RNF220: variants seen among roughly 807,000 people sequenced by gnomAD.
RNF220 encodes E3 ubiquitin-protein ligase RNF220.
RNF220 carries 7 observed loss-of-function variants against 67.1 expected under a neutral mutation model. That is an observed-to-expected ratio of 0.10 (90% CI 0.06 to 0.20). The LOEUF is 0.20. Ranked by LOEUF, RNF220 falls within the 10% of genes least tolerant of loss-of-function variation. The pLI is 1.00. For missense variants in RNF220, 565 were observed against 740.3 expected (o/e 0.76, Z 2.75); for synonymous variants, 270 against 283.2 (o/e 0.95, Z 0.47).
At chr1:44,570,816 G>C (rs947617999) in intron 2 of RNF220, among the ~76,000 whole-genome samples, 1 of 152,198 alleles carries the variant, frequency 6.6e-6, no homozygotes. Flanking sequence ...TCTCACACCT[G>C]TAATCCCAGC....
intron 2 of RNF220, among the ~76,000 whole-genome samples, chr1:44,537,694 A>G (rs749332874): frequency 6.6e-6 from 1 of 152,136 alleles, no homozygotes. Context: ...TCCCCAACCA[A>G]TGATCACAAG....
At chr1:44,626,551 A>C (rs1643945213) in intron 5 of RNF220, 153 bp downstream of exon 5, 4 of 623,020 alleles carry the variant, frequency 6.4e-6, no homozygotes, top group African/African-American at 3.7e-5. Flanking sequence ...CCCTAAGTGA[A>C]CTCAGGAGGC....
At chr1:44,540,536 G>A (rs75480778) in intron 2 of RNF220, among the ~76,000 whole-genome samples, 2,725 of 152,170 alleles carry the variant, frequency 0.018, 60 homozygotes, top group East Asian at 0.098. Flanking sequence ...GTGTTGTTGC[G>A]TTCCCTCTCA....
chr1:44,530,747 T>C (rs12097702), intron 2 of RNF220, among the ~76,000 whole-genome samples: 58,497 of 151,828 alleles, frequency 0.39, 11,609 homozygotes, highest in Middle Eastern at 0.55. Context: ...GGGCAGATCA[T>C]GAGGTCAGGA....
intron 2 of RNF220, among the ~76,000 whole-genome samples, chr1:44,532,784 G>A (rs766922274): frequency 1.6e-4 from 25 of 152,200 alleles, no homozygotes; most frequent in Non-Finnish European, 3.5e-4. Context: ...AAAAACACCA[G>A]TCATCTATTT....
intron 2 of RNF220, among the ~76,000 whole-genome samples, chr1:44,413,273 ACAGCTGTGTTTTCCTTGCGATCGCAAGG>A (rs749970936): frequency 6.6e-6 from 1 of 152,090 alleles, no homozygotes; most frequent in Non-Finnish European, 1.5e-5. Flanking sequence ...AGCATTTCAC[ACAGCTGTGTTTTCCTTGCGATCGCAAGG>A]CTAGAAAGCC....
In RNF220 at chr1:44,645,157, A is replaced by G. The variant is rs1338731125; in HGVS notation, c.1311-64A>G. The G allele has an allele frequency of 5.6e-6, 9 of 1,610,724 alleles. No homozygotes were observed. The highest frequency in any genetic ancestry group is 3.3e-5 in the Admixed American group (2 of 60,000). ...TGAGGCAGGGGTTAACGCAGTACTG[A>G]CCCTCAGGGCTGTCCTGCCCGCCTT... On this transcript the variant is annotated intron_variant, in intron 10 of 14. Coordinates refer to ENST00000361799, the MANE Select transcript of RNF220 (RefSeq NM_018150.4). This position sits in a 1 kb window ranked among gnomAD's most constrained non-coding sequence, Gnocchi z 5.0.
intron 1 of RNF220, among the ~76,000 whole-genome samples, chr1:44,409,911 A>C (rs915280535): frequency 3.3e-5 from 5 of 151,534 alleles, no homozygotes; most frequent in African/African-American, 9.7e-5. Flanking sequence ...GAAAAAAAGC[A>C]CTCCCCCCTC....
At chr1:44,559,993 G>GGC (rs984196430) in intron 2 of RNF220, among the ~76,000 whole-genome samples, 14 of 152,326 alleles carry the variant, frequency 9.2e-5, no homozygotes, top group African/African-American at 3.1e-4. Flanking sequence ...GAGGAGCCAC[G>GGC]GCTCCTTCAG....
At chr1:44,642,466 G>C (rs1644515166) in intron 8 of RNF220, among the ~76,000 whole-genome samples, 1 of 152,216 alleles carries the variant, frequency 6.6e-6, no homozygotes, top group South Asian at 2.1e-4. Flanking sequence ...AGTCAGACTT[G>C]CCAAAGGAGC....
chr1:44,473,279 C>G lies in RNF220; in HGVS notation c.625+60557C>G, dbSNP rs192409525. Reference sequence around the variant, plus strand: ...ATAAAGTTTTACAGTGGAACGGTTTCTGTAAAAGCATCGTTAGGAAGTGGG... The same window carrying G: ...ATAAAGTTTTACAGTGGAACGGTTTGTGTAAAAGCATCGTTAGGAAGTGGG... On this transcript the variant is annotated intron_variant, in intron 2 of 14. Transcript: ENST00000361799. Among the ~76,000 whole-genome samples the G allele has an allele frequency of 8.6e-4, 131 of 152,242 alleles. 2 individuals carry two copies. Among genetic ancestry groups the G allele is most frequent in the African/African-American group, 3.0e-3 (125 of 41,534 alleles).
intron 3 of RNF220, among the ~76,000 whole-genome samples, chr1:44,619,229 G>C (rs1340889644): frequency 3.3e-5 from 5 of 152,222 alleles, no homozygotes; most frequent in African/African-American, 1.2e-4. Context: ...CCTGAACTTA[G>C]AGAGATTCTC....
intron 2 of RNF220, among the ~76,000 whole-genome samples, chr1:44,528,671 A>G (rs910066143): frequency 6.9e-6 from 1 of 145,258 alleles, no homozygotes; most frequent in African/African-American, 2.6e-5. Flanking sequence ...CTGGAGTGCA[A>G]TGGCACAATT....
At chr1:44,626,203 C>A in intron 4 of RNF220, 94 bp from the exon 5 acceptor site, 1 of 891,172 alleles carries the variant, frequency 1.1e-6, no homozygotes, top group Non-Finnish European at 1.8e-6. Context: ...CTTCTCTTTG[C>A]CTGGCTCCCC....
chr1:44,539,724 A>T (rs902799662), intron 2 of RNF220, among the ~76,000 whole-genome samples: 1 of 152,172 alleles, frequency 6.6e-6, no homozygotes, highest in Non-Finnish European at 1.5e-5. Flanking sequence ...TCTGAATCCA[A>T]TACCTTATCA....
At chr1:44,407,545 G>A (rs913279365) in intron 1 of RNF220, among the ~76,000 whole-genome samples, 1 of 152,150 alleles carries the variant, frequency 6.6e-6, no homozygotes, top group Non-Finnish European at 1.5e-5. Context: ...TCGAGGCAAG[G>A]CTGGGGAAGG....
chr1:44,481,416 C>T (rs1003952882), intron 2 of RNF220, among the ~76,000 whole-genome samples: 1 of 152,106 alleles, frequency 6.6e-6, no homozygotes, highest in Non-Finnish European at 1.5e-5. Flanking sequence ...GGCCATCATC[C>T]TCAGCAAACT....
chr1:44,414,018 C>A (rs780576045), intron 2 of RNF220, among the ~76,000 whole-genome samples: 1 of 152,212 alleles, frequency 6.6e-6, no homozygotes, highest in Non-Finnish European at 1.5e-5. Flanking sequence ...AAATATGTTG[C>A]AAGTGTGTCT....
chr1:44,636,373 T>A, intron 8 of RNF220: 1 of 752,800 alleles, frequency 1.3e-6, no homozygotes, highest in Non-Finnish European at 2.4e-6. Context: ...GAAATGGAAT[T>A]GTGAGGCTGC....
Sources: gnomAD v4.1 joint callset for allele counts (sites outside exome capture counted in the v4.1 genomes callset) on GRCh38, gnomAD v4.1.1 for gene constraint, Gnocchi (gnomAD v3.1) non-coding constraint, MANE v1.5 for transcripts, NCBI Gene and HGNC (gene_info 2026-07-23, HGNC 2026-07-21) for gene names.